The following CDH5 variants were observed in gnomAD, a reference collection of about 807,000 sequenced individuals.
The protein encoded by CDH5 is cadherin-5.
Under a neutral mutation model 62.0 loss-of-function variants are expected in CDH5, and 28 were observed. The observed-to-expected ratio is 0.45, with a 90% CI of 0.33 to 0.62. The LOEUF (loss-of-function observed/expected upper bound fraction) is 0.62, where lower values mean the gene tolerates loss of function less well. Ranked by LOEUF, CDH5 falls within the 20% of genes least tolerant of loss-of-function variation. CDH5 has a pLI of 0.02. For missense variants in CDH5, 940 were observed against 1,065.1 expected, an observed-to-expected ratio of 0.88 and a Z score of 1.63; for synonymous variants, 464 against 445.8, an observed-to-expected ratio of 1.04 and a Z score of -0.52.
intron 7 of CDH5, among the ~76,000 whole-genome samples, chr16:66,393,929 A>T (rs560723116): frequency 6.6e-6 from 1 of 152,148 alleles, no homozygotes; most frequent in Non-Finnish European, 1.5e-5. Context: ...ACTACTCTTC[A>T]TTGCCATTCT....
chr16:66,367,028 C>G (rs1322919710), intron 1 of CDH5, among the ~76,000 whole-genome samples: 1 of 152,234 alleles, frequency 6.6e-6, no homozygotes. Context: ...TTCTCCAACT[C>G]AAAAAGGCCC....
intron 2 of CDH5, among the ~76,000 whole-genome samples, chr16:66,382,619 C>T (rs375563187): frequency 1.8e-4 from 28 of 152,274 alleles, no homozygotes; most frequent in African/African-American, 6.0e-4. Flanking sequence ...TTCAAGGGCT[C>T]GCCCAAGGGT....
At chr16:66,368,975 T>A (rs552999081) in intron 1 of CDH5, among the ~76,000 whole-genome samples, 3 of 152,124 alleles carry the variant, frequency 2.0e-5, no homozygotes, top group Non-Finnish European at 2.9e-5. Flanking sequence ...CAAGCTGGTG[T>A]TAAGTGGGTA....
chr16:66,379,031 A>G (rs936196596), intron 1 of CDH5, among the ~76,000 whole-genome samples: 3 of 152,246 alleles, frequency 2.0e-5, no homozygotes, highest in African/African-American at 7.2e-5. Context: ...AAGAATAAGC[A>G]GAAGGCAGCT....
Position 66,402,823 on chromosome 16 carries a change from G to A in CDH5, c.2009G>A (p.Gly670Glu). ...GTGCTCAACTCGGTGCGCCGCGGCG[G>A]GGCCAAGCCCCCGCGGCCCGCGCTG... ...VSVLNSVRRGGAKPPRPALDA... is the reference protein window; with the variant it reads ...VSVLNSVRRGEAKPPRPALDA... The change falls in exon 12 of 12, where the codon GGG becomes GAG. Residue 670 changes from glycine (G) to glutamate (E), a missense_variant. Gly to Glu is a moderately conservative substitution (Grantham distance 98, BLOSUM62 -2). Transcript: ENST00000341529. The A allele has an allele frequency of 6.3e-7, 1 of 1,599,674 alleles. No individual in the cohort carries two copies. Among genetic ancestry groups the A allele is most frequent in the East Asian group, 2.3e-5 (1 of 44,290 alleles).
In CDH5 at chr16:66,392,006, G is replaced by A. The variant is rs116226322; in HGVS notation, c.970-130G>A. 3,418 of 1,094,762 alleles carry A rather than the reference G, an allele frequency of 3.1e-3. 76 individuals are homozygous for A. In the African/African-American group the frequency reaches 0.047, roughly 15 times the overall value. The allele number at this position is 1,094,762 out of a possible 1,614,324, so 67.8% of individuals were successfully genotyped here. A position where few individuals can be genotyped will look rare whatever the true frequency, so the allele number is the denominator to read the frequency against. ...GATGACCTCAGAAATATCACTTGTC[G>A]AGGCCATGGGCCCCTCATCTATAAA... On this transcript the variant is annotated intron_variant, in intron 6 of 11. Transcript: ENST00000341529.
intron 1 of CDH5, among the ~76,000 whole-genome samples, chr16:66,376,015 C>A (rs894622954): frequency 1.3e-5 from 2 of 151,948 alleles, no homozygotes; most frequent in African/African-American, 4.8e-5. Context: ...GGAGGCTGAG[C>A]CAGGAGAATG....
chr16:66,395,477 T>A (rs1961163048), intron 7 of CDH5: 1 of 150,754 alleles, frequency 6.6e-6, no homozygotes, highest in Non-Finnish European at 1.5e-5. Context: ...CTCAAGCCTT[T>A]CTTCAGATCA....
chr16:66,379,519 A>T lies in CDH5; in HGVS notation c.182A>T (p.Asn61Ile). The T allele has an allele frequency of 6.2e-7, 1 of 1,614,180 alleles. No homozygotes were observed. Among genetic ancestry groups the T allele is most frequent in the South Asian group, 1.1e-5 (1 of 91,080 alleles). ...CAGATGCACATTGATGAAGAGAAAA[A>T]CACCTCACTTCCCCATCATGTAGGC... ...WNQMHIDEEK[N>I]TSLPHHVGKI... The change falls in exon 2 of 12, where the codon AAC (asparagine) becomes ATC (isoleucine). Residue 61 changes from asparagine (N) to isoleucine (I), a missense_variant. Transcript: ENST00000341529.
chr16:66,379,601 C>T (rs757221314), intron 2 of CDH5, 54 bp downstream of exon 2: 1 of 1,514,970 alleles, frequency 6.6e-7, no homozygotes, highest in Non-Finnish European at 9.2e-7. Flanking sequence ...CCCATAGTGA[C>T]AAGTGGTGGT....
At chr16:66,402,447 T>G (rs960551953) in intron 11 of CDH5, among the ~76,000 whole-genome samples, 1 of 65,540 alleles carries the variant, frequency 1.5e-5, no homozygotes. Flanking sequence ...ATGGCGGGGA[T>G]GGGGGTATGG....
At chr16:66,383,009 C>T (rs1167356648) in intron 2 of CDH5, among the ~76,000 whole-genome samples, 3 of 152,094 alleles carry the variant, frequency 2.0e-5, no homozygotes, top group Admixed American at 6.5e-5. Flanking sequence ...AACCCATAAC[C>T]CTCATCTAAT....
intron 10 of CDH5, 139 bp downstream of exon 10, chr16:66,398,700 C>T (rs1961232180): frequency 1.8e-6 from 1 of 559,210 alleles, no homozygotes; most frequent in Non-Finnish European, 3.3e-6. Flanking sequence ...TCACTGCACT[C>T]CAGCCCGGGC....
At chr16:66,400,644 G>A in intron 10 of CDH5, 127 bp from the exon 11 acceptor site, 2 of 1,078,956 alleles carry the variant, frequency 1.9e-6, no homozygotes, top group African/African-American at 1.5e-5. Context: ...GGCGCTGGGT[G>A]CAAAGGGCAG....
Position 66,389,385 on chromosome 16 carries a change from T to C in CDH5, c.644T>C (p.Leu215Ser). 3 of 1,612,914 alleles carry C rather than the reference T, an allele frequency of 1.9e-6. No homozygotes were observed. The highest frequency in any genetic ancestry group is 2.5e-6 in the Non-Finnish European group (3 of 1,179,344). Residue 215 changes from leucine to serine, a missense_variant, in exon 5 of 12, where the codon TTG becomes TCG. Leu to Ser is a moderately radical substitution (Grantham distance 145). Coordinates refer to ENST00000341529, the MANE Select transcript of CDH5 (RefSeq NM_001795.5). ...CGTATTATCACAATAACGAAAAGCT[T>C]GGACCGAGAGAAGCAGGCCAGGTAT... ...SGRIITITKS[L>S]DREKQARYEI...
At position 66,403,379 on chromosome 16, in the gene CDH5, T is replaced by C; in HGVS notation, c.*210T>C. 1 of 584,244 alleles carries C rather than the reference T, an allele frequency of 1.7e-6. No homozygotes were observed. The highest frequency in any genetic ancestry group is 2.1e-5 in the South Asian group (1 of 48,676). 36.2% of individuals were successfully genotyped at this position (584,244 alleles called of 1,614,324 possible). A position where few individuals can be genotyped will look rare whatever the true frequency, so the allele number is the denominator to read the frequency against. On this transcript the variant is annotated 3_prime_UTR_variant, in exon 12 of 12. Coordinates refer to ENST00000341529, the MANE Select transcript of CDH5 (RefSeq NM_001795.5). The surrounding 1 kb of genome is among the most constrained non-coding windows in gnomAD (Gnocchi z 4.3). ...TATGTCAGTGATGACTATTCTCAAA[T>C]GCTGGCAAATCCAGGCTGGTGTTCT...
intron 2 of CDH5, among the ~76,000 whole-genome samples, chr16:66,381,155 C>T (rs1960891609): frequency 6.6e-6 from 1 of 152,168 alleles, no homozygotes; most frequent in African/African-American, 2.4e-5. Context: ...TTTGCCAACT[C>T]CAGTCTAGGC....
chr16:66,395,911 G>C, intron 7 of CDH5, 148 bp from the exon 8 acceptor site: 1 of 723,774 alleles, frequency 1.4e-6, no homozygotes. Context: ...GTCCACTCTT[G>C]TCTGAGTGGC....
At position 66,403,349 on chromosome 16, in the gene CDH5, G is replaced by C; in HGVS notation, c.*180G>C. On this transcript the variant is annotated 3_prime_UTR_variant, in exon 12 of 12. Coordinates refer to ENST00000341529, the MANE Select transcript of CDH5 (RefSeq NM_001795.5). This position sits in a 1 kb window ranked among gnomAD's most constrained non-coding sequence, Gnocchi z 4.3. Reference sequence around the variant, plus strand: ...AACTCCAGGTTCCTGAAATATCCAGGAATATATGTCAGTGATGACTATTCT... The same window carrying C: ...AACTCCAGGTTCCTGAAATATCCAGCAATATATGTCAGTGATGACTATTCT... 3.3e-6 allele frequency: 2 copies of C among 608,146 alleles called. No individual in the cohort carries two copies. The highest frequency in any genetic ancestry group is 5.5e-5 in the East Asian group (2 of 36,234). The allele number at this position is 608,146 out of a possible 1,614,324, so 37.7% of individuals were successfully genotyped here.
Sources: gnomAD v4.1 joint callset for allele counts (sites outside exome capture counted in the v4.1 genomes callset) on GRCh38, gnomAD v4.1.1 for gene constraint, Gnocchi (gnomAD v3.1) non-coding constraint, MANE v1.5 for transcripts, NCBI Gene and HGNC (gene_info 2026-07-23, HGNC 2026-07-21) for gene names.